The following DST variants were observed in gnomAD, a reference collection of about 807,000 sequenced individuals.
DST encodes bullous pemphigoid antigen.
In DST, 253 loss-of-function variants were observed where a neutral mutation model predicts 875.2. The ratio of observed to expected loss-of-function variants is 0.29; its 90% CI spans 0.26 to 0.32. The LOEUF (loss-of-function observed/expected upper bound fraction) is 0.32. Ranked by LOEUF, DST falls within the 10% of genes least tolerant of loss-of-function variation. The pLI, the probability that DST is intolerant of heterozygous loss-of-function variation, is 1.00. For missense variants in DST, 8,287 were observed against 9,111.6 expected (o/e 0.91, Z 3.68); for synonymous variants, 3,124 against 3,197.1 (o/e 0.98, Z 0.77).
In DST at chr6:56,499,849, T is replaced by C. The variant is rs145390621; in HGVS notation, c.19896+1231A>G. Among the ~76,000 whole-genome samples the C allele has an allele frequency of 3.2e-4, 48 of 152,250 alleles. No homozygotes were observed. In the East Asian group the frequency reaches 8.3e-3, roughly 26 times the overall value. On this transcript the variant is annotated intron_variant, in intron 80 of 103. Transcript: ENST00000680361. Reference sequence around the variant, plus strand: ...TAAATGCAGCTATAAACTCACACCATGAGAATAAACATATTTTGTTGCTAG... The same window carrying C: ...TAAATGCAGCTATAAACTCACACCACGAGAATAAACATATTTTGTTGCTAG...
intron 2 of DST, among the ~76,000 whole-genome samples, chr6:56,908,943 A>G (rs116951687): frequency 0.012 from 1,866 of 152,286 alleles, 33 homozygotes; most frequent in East Asian, 0.039. Context: ...TCAAGAAATA[A>G]GCATAAAAAT....
chr6:56,703,663 C>T lies in DST; in HGVS notation c.861G>A (p.Glu287=). 1 of 984,956 alleles carries T rather than the reference C, an allele frequency of 1.0e-6. No individual in the cohort carries two copies. Among genetic ancestry groups the T allele is most frequent in the Non-Finnish European group, 1.2e-6 (1 of 829,612 alleles). 61.0% of individuals were successfully genotyped at this position (984,956 alleles called of 1,614,324 possible). ...ACEYEQHEDV[E]DEDKGPREKG... ...CGACACCTACCCCCTTATCCTCATC[C>T]TCCACATCCTCATGCTGTTCATATT... Residue 287 remains glutamate (E), a synonymous_variant, in exon 7 of 104, where the codon GAG becomes GAA. Transcript: ENST00000680361.
chr6:56,699,780 G>T, intron 8 of DST, 35 bp from the exon 9 acceptor site: 1 of 1,004,892 alleles, frequency 1.0e-6, no homozygotes, highest in Non-Finnish European at 1.4e-6. Flanking sequence ...AAAACCAACT[G>T]TTTATCAAAC....
intron 2 of DST, among the ~76,000 whole-genome samples, chr6:56,906,434 T>C (rs1256689290): frequency 2.0e-5 from 3 of 152,054 alleles, no homozygotes; most frequent in East Asian, 3.9e-4. Flanking sequence ...GGACTAGACG[T>C]GTTCAAAATG....
chr6:56,526,237 T>G (rs898030381), intron 69 of DST, 124 bp downstream of exon 69: 2 of 1,061,268 alleles, frequency 1.9e-6, no homozygotes, highest in African/African-American at 3.2e-5. Context: ...TCAAATCCAC[T>G]CTTTCATTTT....
chr6:56,549,245 T>C (rs1356507267), intron 61 of DST, among the ~76,000 whole-genome samples: 1 of 152,198 alleles, frequency 6.6e-6, no homozygotes, highest in Non-Finnish European at 1.5e-5. Context: ...TAGGATTTTA[T>C]CTGTGACATT....
chr6:56,743,968 T>A (rs1197432883), intron 4 of DST, among the ~76,000 whole-genome samples: 1 of 151,786 alleles, frequency 6.6e-6, no homozygotes, highest in African/African-American at 2.4e-5. Flanking sequence ...ACCTGCATGG[T>A]GAAACCCCAT....
Position 56,526,478 on chromosome 6 carries a change from C to A in DST, c.18012G>T (p.Arg6004Ser). ...CCATTTTCTCAAGTCCTTCTCTTGCCCTCCATGGTACCAGTTCCAGCAAAG... is the reference window on the plus strand; with the variant it reads ...CCATTTTCTCAAGTCCTTCTCTTGCACTCCATGGTACCAGTTCCAGCAAAG... ...SSALLELVPWRAREGLEKMVA... is the reference protein window; with the variant it reads ...SSALLELVPWSAREGLEKMVA... The change falls in exon 69 of 104, where the codon AGG becomes AGT. Residue 6004 changes from arginine to serine, a missense_variant. By Grantham distance (110) the Arg-to-Ser change is moderately radical. Coordinates refer to ENST00000680361, the MANE Select transcript of DST (RefSeq NM_001374736.1). The A allele has an allele frequency of 2.5e-6, 4 of 1,613,832 alleles. No individual in the cohort carries two copies. Among genetic ancestry groups the A allele is most frequent in the Non-Finnish European group, 3.4e-6 (4 of 1,179,798 alleles).
intron 47 of DST, among the ~76,000 whole-genome samples, chr6:56,595,230 C>G (rs2152690916): frequency 6.6e-6 from 1 of 152,118 alleles, no homozygotes; most frequent in East Asian, 1.9e-4. Context: ...CCATCCCCAC[C>G]CTGGTAAACA....
At chr6:56,881,922 C>T (rs535922520) in intron 3 of DST, among the ~76,000 whole-genome samples, 14 of 152,220 alleles carry the variant, frequency 9.2e-5, no homozygotes, top group African/African-American at 3.4e-4. Context: ...GAGAGGGCAG[C>T]GCGTGCACAA....
At chr6:56,854,041 A>C (rs1406836554) in intron 3 of DST, among the ~76,000 whole-genome samples, 2 of 152,214 alleles carry the variant, frequency 1.3e-5, no homozygotes, top group South Asian at 2.1e-4. Context: ...AAAAATTTTC[A>C]TGAATACTTT....
At chr6:56,857,238 A>T (rs1363734183) in intron 3 of DST, among the ~76,000 whole-genome samples, 1 of 152,126 alleles carries the variant, frequency 6.6e-6, no homozygotes, top group Non-Finnish European at 1.5e-5. Context: ...GGCTGCTCGC[A>T]AACTCCTGGC....
Position 56,499,395 on chromosome 6 carries a change from C to T in DST, c.19897-1342G>A, listed in dbSNP as rs75967828. On this transcript the variant is annotated intron_variant, in intron 80 of 103. Coordinates refer to ENST00000680361, the MANE Select transcript of DST (RefSeq NM_001374736.1). ...AAGTTATCTTTATAGAAAGCACTCA[C>T]TTTGGTATGTTAAGAGTAGGATCAC... 9.7e-3 allele frequency among the ~76,000 whole-genome samples: 1,481 copies of T among 152,242 alleles called. 31 individuals are homozygous for T. Among genetic ancestry groups the T allele is most frequent in the African/African-American group, 0.034 (1,431 of 41,552 alleles).
chr6:56,492,078 C>G, intron 85 of DST, 149 bp downstream of exon 85: 1 of 734,956 alleles, frequency 1.4e-6, no homozygotes, highest in Non-Finnish European at 2.2e-6. Flanking sequence ...ACTGAGGCCA[C>G]AGCCCTTTTA....
chr6:56,843,708 AG>A, intron 4 of DST: 1 of 184,496 alleles, frequency 5.4e-6, no homozygotes, highest in Non-Finnish European at 7.4e-6. Flanking sequence ...GGGAGGGAGG[AG>A]GGTGGAGGGT....
At chr6:56,770,370 T>C (rs2099649739) in intron 4 of DST, among the ~76,000 whole-genome samples, 1 of 152,204 alleles carries the variant, frequency 6.6e-6, no homozygotes. Flanking sequence ...AATGTTATCT[T>C]CAAGTTGTAA....
chr6:56,655,773 T>C (rs1189730362), intron 10 of DST, among the ~76,000 whole-genome samples: 5 of 152,220 alleles, frequency 3.3e-5, no homozygotes, highest in Admixed American at 3.3e-4. Flanking sequence ...ACTCGAATTC[T>C]TTCAGCAGAC....
At chr6:56,471,336 T>G (rs1694041580) in intron 94 of DST, 68 bp from the exon 95 acceptor site, 1 of 1,210,418 alleles carries the variant, frequency 8.3e-7, no homozygotes, top group African/African-American at 1.5e-5. Flanking sequence ...ACTATATGAA[T>G]AACTTTTGAA....
At position 56,747,264 on chromosome 6, in the gene DST, C is replaced by T. The variant is rs563951686; in HGVS notation, c.626-11975G>A. On this transcript the variant is annotated intron_variant, in intron 4 of 103. Transcript: ENST00000680361. Reference sequence around the variant, plus strand: ...GATGTAAACTACAAATGCCATAAATCTCTCCATACAAATGCTTTTTTGTGT... The same window carrying T: ...GATGTAAACTACAAATGCCATAAATTTCTCCATACAAATGCTTTTTTGTGT... 5.3e-5 allele frequency among the ~76,000 whole-genome samples: 8 copies of T among 152,288 alleles called. No homozygotes were observed. In the East Asian group the frequency reaches 1.5e-3, roughly 29 times the overall value.
Sources: allele counts gnomAD v4.1 joint callset (sites outside exome capture counted in the v4.1 genomes callset), GRCh38; gene constraint gnomAD v4.1.1; transcripts MANE v1.5; gene names NCBI Gene and HGNC (gene_info 2026-07-23, HGNC 2026-07-21).